The following TENM2 variants were observed in gnomAD, a reference collection of about 807,000 sequenced individuals.
TENM2 encodes teneurin transmembrane protein 2.
TENM2 carries 52 observed loss-of-function variants against 245.2 expected under a neutral mutation model. That is an observed-to-expected ratio of 0.21 (90% CI 0.17 to 0.27). TENM2 has a LOEUF of 0.27. TENM2 is among the 10% of genes least tolerant of loss of function. TENM2 has a pLI of 1.00. For missense variants in TENM2, 3,046 were observed against 3,666.8 expected, an observed-to-expected ratio of 0.83 and a Z score of 4.37; for synonymous variants, 1,363 against 1,438.9, an observed-to-expected ratio of 0.95 and a Z score of 1.19.
At chr5:167,146,821 C>A in the TENM2 span, among the ~76,000 whole-genome samples, 4 of 151,948 alleles carry the variant, frequency 2.6e-5, no homozygotes, top group African/African-American at 7.3e-5. Context: ...ACTAATTAGA[C>A]CTAAAATAAA....
intron 13 of TENM2, chr5:168,165,864 T>C (rs1758245964): frequency 6.6e-6 from 1 of 151,724 alleles, no homozygotes; most frequent in African/African-American, 2.4e-5. Context: ...CAGAGTTGCT[T>C]ATGTCAGGTG....
chr5:168,006,600 G>GCACAAGGC (rs1473961455), intron 5 of TENM2, among the ~76,000 whole-genome samples: 1 of 152,112 alleles, frequency 6.6e-6, no homozygotes, highest in Non-Finnish European at 1.5e-5. Flanking sequence ...TGTGTGACAG[G>GCACAAGGC]CACAAGGCTC....
chr5:168,155,188 A>G (rs948266211), intron 12 of TENM2, among the ~76,000 whole-genome samples: 1 of 152,196 alleles, frequency 6.6e-6, no homozygotes, highest in African/African-American at 2.4e-5. Context: ...ACTGCTGTTC[A>G]GTATAAATGG....
the TENM2 span, among the ~76,000 whole-genome samples, chr5:167,032,845 A>C: frequency 6.6e-6 from 1 of 152,130 alleles, no homozygotes; most frequent in Non-Finnish European, 1.5e-5. Flanking sequence ...AACTCAGCTG[A>C]AGGATTTTGT....
rs10064019 is a variant in TENM2 at position 167,900,135 on chromosome 5, G to T, written c.712+23940G>T. On this transcript the variant is annotated intron_variant, in intron 3 of 28. Transcript: ENST00000518659. ...CTAAAAAAAAAAAAAAAAAAAAAAGGGGGGGGGGGTTTTGGAAAGGAAAGG... is the reference window on the plus strand; with the variant it reads ...CTAAAAAAAAAAAAAAAAAAAAAAGTGGGGGGGGGTTTTGGAAAGGAAAGG... Among the ~76,000 whole-genome samples, 256 of 77,950 alleles carry T rather than the reference G, an allele frequency of 3.3e-3. 3 individuals are homozygous for T. Among genetic ancestry groups the T allele is most frequent in the African/African-American group, 0.013 (228 of 17,318 alleles). 51.1% of individuals were successfully genotyped at this position (77,950 alleles called of 152,430 possible).
chr5:167,141,183 A>G, the TENM2 span, among the ~76,000 whole-genome samples: 1 of 152,306 alleles, frequency 6.6e-6, no homozygotes, highest in South Asian at 2.1e-4. Flanking sequence ...CTTCATGCAT[A>G]CGCAGCTCTA....
intron 3 of TENM2, among the ~76,000 whole-genome samples, chr5:167,946,219 A>G (rs988379409): frequency 4.6e-5 from 7 of 152,168 alleles, no homozygotes; most frequent in Admixed American, 4.6e-4. Flanking sequence ...ATTTGGACCT[A>G]TTCCTTCCAT....
At position 167,815,032 on chromosome 5, in the gene TENM2, C is replaced by G. The variant is rs188682281; in HGVS notation, c.503-60954C>G. Among the ~76,000 whole-genome samples, 10 of 152,242 alleles carry G rather than the reference C, an allele frequency of 6.6e-5. No homozygotes were observed. In the East Asian group the frequency reaches 1.2e-3, roughly 18 times the overall value. On this transcript the variant is annotated intron_variant, in intron 2 of 28. Transcript: ENST00000518659. ...TCTACTTTTCCTGGAATGTCTGTCT[C>G]CCTACAGAGACGTCAACCACAGCAG...
intron 1 of TENM2, among the ~76,000 whole-genome samples, chr5:167,323,968 T>A (rs1756928928): frequency 6.6e-6 from 1 of 152,156 alleles, no homozygotes. Flanking sequence ...TGATGTAAGA[T>A]CAAGCTAGAG....
the TENM2 span, among the ~76,000 whole-genome samples, chr5:167,154,057 G>A: frequency 6.6e-6 from 1 of 152,182 alleles, no homozygotes; most frequent in African/African-American, 2.4e-5. Flanking sequence ...AAATGAGACT[G>A]AAGGATGATT....
chr5:167,718,208 T>C (rs1759395047), intron 2 of TENM2, among the ~76,000 whole-genome samples: 1 of 152,208 alleles, frequency 6.6e-6, no homozygotes, highest in Non-Finnish European at 1.5e-5. Flanking sequence ...TATAAATGTT[T>C]TTCCATGTCT....
the TENM2 span, among the ~76,000 whole-genome samples, chr5:167,226,866 G>A: frequency 6.6e-6 from 1 of 151,872 alleles, no homozygotes; most frequent in Non-Finnish European, 1.5e-5. Flanking sequence ...GTGCTCCAAT[G>A]TTGGGTGCAT....
At chr5:167,076,565 A>C in the TENM2 span, among the ~76,000 whole-genome samples, 1 of 152,184 alleles carries the variant, frequency 6.6e-6, no homozygotes, top group Non-Finnish European at 1.5e-5. Context: ...CTATCAGTAG[A>C]ATACAAGCTG....
At chr5:167,336,645 A>G (rs1015299240) in intron 1 of TENM2, among the ~76,000 whole-genome samples, 1 of 152,042 alleles carries the variant, frequency 6.6e-6, no homozygotes, top group African/African-American at 2.4e-5. Context: ...CAGCATATCA[A>G]AACTCCCTGT....
intron 27 of TENM2, among the ~76,000 whole-genome samples, chr5:168,251,007 A>G (rs1183797709): frequency 6.6e-6 from 1 of 152,272 alleles, no homozygotes; most frequent in African/African-American, 2.4e-5. Flanking sequence ...TCAGACATTT[A>G]TGAAGTGCAG....
chr5:168,015,470 G>A (rs978594342), intron 5 of TENM2, among the ~76,000 whole-genome samples: 5 of 152,224 alleles, frequency 3.3e-5, no homozygotes, highest in Admixed American at 6.5e-5. Context: ...AGCAGAGAAC[G>A]AGAATAAAGT....
At chr5:168,054,184 A>G (rs1011211399) in intron 6 of TENM2, among the ~76,000 whole-genome samples, 1 of 152,212 alleles carries the variant, frequency 6.6e-6, no homozygotes, top group Non-Finnish European at 1.5e-5. Context: ...AAGAGCTGAA[A>G]CATTTTCTAA....
intron 4 of TENM2, 121 bp from the exon 7 acceptor site, chr5:167,992,823 A>G: frequency 1.4e-6 from 1 of 700,066 alleles, no homozygotes; most frequent in South Asian, 1.8e-5. Context: ...CTTCCACTCC[A>G]GGGTAAGCTT....
chr5:167,350,788 T>TACGG (rs1758830324), intron 1 of TENM2, among the ~76,000 whole-genome samples: 2 of 140,652 alleles, frequency 1.4e-5, no homozygotes, highest in Non-Finnish European at 3.0e-5. Flanking sequence ...GATATATACA[T>TACGG]ATGGATATAT....
Sources: gnomAD v4.1 joint callset for allele counts (sites outside exome capture counted in the v4.1 genomes callset) on GRCh38, gnomAD v4.1.1 for gene constraint, MANE v1.5 for transcripts, NCBI Gene and HGNC (gene_info 2026-07-23, HGNC 2026-07-21) for gene names.